The following ROBO2 variants were observed in gnomAD, a reference collection of about 807,000 sequenced individuals.
ROBO2 encodes the protein roundabout guidance receptor 2, also known as roundabout homolog 2.
In ROBO2, 53 loss-of-function variants were observed where a neutral mutation model predicts 160.8. That is an observed-to-expected ratio of 0.33 (90% confidence interval 0.26 to 0.41). ROBO2 has a LOEUF of 0.41. ROBO2 is among the 10% of genes least tolerant of loss of function. The pLI, the probability that ROBO2 is intolerant of heterozygous loss-of-function variation, is 1.00. For synonymous variants in ROBO2, 664 were observed against 611.7 expected (o/e 1.09, Z -1.26); for missense variants, 1,577 against 1,722.4 (o/e 0.92, Z 1.49).
At chr3:76,853,319 C>G (rs906679803) in intron 2 of ROBO2, among the ~76,000 whole-genome samples, 25 of 152,172 alleles carry the variant, frequency 1.6e-4, no homozygotes, top group African/African-American at 6.0e-4. Context: ...AAGAGTTACT[C>G]AGCCTTAGAA....
intron 2 of ROBO2, among the ~76,000 whole-genome samples, chr3:77,376,632 T>A (rs1011615672): frequency 6.6e-6 from 1 of 152,132 alleles, no homozygotes; most frequent in Admixed American, 6.6e-5. Flanking sequence ...TGGTTGCATA[T>A]CCTTCTTGTA....
chr3:76,107,186 G>A (rs1036046894), intron 2 of ROBO2, among the ~76,000 whole-genome samples: 1 of 152,056 alleles, frequency 6.6e-6, no homozygotes, highest in Non-Finnish European at 1.5e-5. Context: ...TTCAAGTTGA[G>A]GTAGTTATTG....
At chr3:76,798,765 C>T (rs983586860) in intron 2 of ROBO2, among the ~76,000 whole-genome samples, 6 of 151,984 alleles carry the variant, frequency 3.9e-5, no homozygotes, top group South Asian at 4.1e-4. Flanking sequence ...TGGTGGTGCA[C>T]ATCTGTAGTC....
chr3:75,942,475 T>G (rs536290389), intron 2 of ROBO2, among the ~76,000 whole-genome samples: 15 of 152,250 alleles, frequency 9.9e-5, no homozygotes, highest in Non-Finnish European at 1.6e-4. Flanking sequence ...TACATTGTGG[T>G]AGACAATAAT....
intron 2 of ROBO2, among the ~76,000 whole-genome samples, chr3:76,708,805 T>C (rs912133018): frequency 6.6e-6 from 1 of 152,026 alleles, no homozygotes; most frequent in Non-Finnish European, 1.5e-5. Context: ...AGGGGAGAAA[T>C]TTAGAGTTTC....
chr3:76,685,789 G>A (rs1301954816), intron 2 of ROBO2, among the ~76,000 whole-genome samples: 1 of 152,152 alleles, frequency 6.6e-6, no homozygotes, highest in Non-Finnish European at 1.5e-5. Flanking sequence ...CTTAGACAAA[G>A]TAAATGAATA....
intron 2 of ROBO2, among the ~76,000 whole-genome samples, chr3:76,309,364 G>A (rs983809191): frequency 3.9e-5 from 6 of 152,150 alleles, no homozygotes; most frequent in African/African-American, 1.4e-4. Flanking sequence ...TCCTCACACA[G>A]AAGTTTTCAA....
intron 1 of ROBO2, among the ~76,000 whole-genome samples, chr3:77,042,463 A>G (rs2064196662): frequency 6.6e-6 from 1 of 152,232 alleles, no homozygotes; most frequent in Non-Finnish European, 1.5e-5. Context: ...ATTAGACTAC[A>G]AAATTATCAC....
At chr3:76,958,773 G>A (rs990567984) in intron 2 of ROBO2, among the ~76,000 whole-genome samples, 3 of 150,522 alleles carry the variant, frequency 2.0e-5, no homozygotes, top group African/African-American at 4.8e-5. Context: ...AAGCCAATGC[G>A]AGAGGCAAAA....
intron 2 of ROBO2, chr3:76,434,151 G>A: frequency 8.4e-7 from 1 of 1,183,662 alleles, no homozygotes; most frequent in Non-Finnish European, 1.3e-6. Flanking sequence ...CTCACTGCTT[G>A]CTGGTCCTGT....
At chr3:76,437,703 G>C (rs2109081210) in intron 2 of ROBO2, among the ~76,000 whole-genome samples, 1 of 152,148 alleles carries the variant, frequency 6.6e-6, no homozygotes, top group East Asian at 1.9e-4. Flanking sequence ...TTTCACTTTT[G>C]TTTATGCTGT....
chr3:76,076,938 C>T (rs990279836), intron 2 of ROBO2, among the ~76,000 whole-genome samples: 4 of 152,130 alleles, frequency 2.6e-5, no homozygotes, highest in Non-Finnish European at 5.9e-5. Flanking sequence ...TAAGCTCAGA[C>T]GTCTAGGTTG....
chr3:76,621,052 G>A (rs1314023952), intron 2 of ROBO2, among the ~76,000 whole-genome samples: 2 of 152,162 alleles, frequency 1.3e-5, no homozygotes, highest in African/African-American at 4.8e-5. Context: ...AGAGGGGAAG[G>A]GGACATACAA....
chr3:75,951,001 T>G (rs1948512937), intron 2 of ROBO2, among the ~76,000 whole-genome samples: 1 of 152,212 alleles, frequency 6.6e-6, no homozygotes, highest in Non-Finnish European at 1.5e-5. Context: ...CAGCATTTAA[T>G]GTTAGAATTG....
intron 2 of ROBO2, among the ~76,000 whole-genome samples, chr3:77,169,325 G>T (rs993328016): frequency 9.9e-5 from 15 of 152,176 alleles, no homozygotes; most frequent in Non-Finnish European, 1.3e-4. Context: ...GATTAAAATA[G>T]CCCTGTTTGA....
chr3:77,486,730 T>C (rs143955643), intron 4 of ROBO2, among the ~76,000 whole-genome samples: 141 of 152,290 alleles, frequency 9.3e-4, no homozygotes, highest in South Asian at 7.5e-3. Flanking sequence ...TTCACTCTGA[T>C]AGTTTCTTTT....
chr3:76,507,841 T>C (rs2080872160), intron 2 of ROBO2, among the ~76,000 whole-genome samples: 1 of 152,160 alleles, frequency 6.6e-6, no homozygotes, highest in East Asian at 1.9e-4. Flanking sequence ...TAGAGTCCTC[T>C]AGTTTTAGGA....
intron 2 of ROBO2, among the ~76,000 whole-genome samples, chr3:77,399,114 C>T (rs573569583): frequency 6.6e-6 from 1 of 152,160 alleles, no homozygotes; most frequent in South Asian, 2.1e-4. Flanking sequence ...AATATATTTT[C>T]CTTCTTTCAG....
chr3:76,764,858 A>G (rs1465496285), intron 2 of ROBO2, among the ~76,000 whole-genome samples: 1 of 151,630 alleles, frequency 6.6e-6, no homozygotes, highest in African/African-American at 2.4e-5. Flanking sequence ...CTCTATGCAT[A>G]TATATTTTGC....
Sources: gnomAD v4.1 joint callset for allele counts (sites outside exome capture counted in the v4.1 genomes callset) on GRCh38, gnomAD v4.1.1 for gene constraint, MANE v1.5 for transcripts, NCBI Gene and HGNC (gene_info 2026-07-23, HGNC 2026-07-21) for gene names.